DGKG: variants seen among roughly 807,000 people sequenced by gnomAD.
The protein encoded by DGKG is DAG kinase gamma.
DGKG carries 78 observed loss-of-function variants against 105.3 expected under a neutral mutation model. That is an observed-to-expected ratio of 0.74 (90% CI 0.62 to 0.89). The LOEUF is 0.89. Ranked by LOEUF, DGKG falls within the 40% of genes least tolerant of loss-of-function variation. The pLI, the probability that DGKG is intolerant of heterozygous loss-of-function variation, is 0.00. For missense variants in DGKG, 958 were observed against 1,020.1 expected, an observed-to-expected ratio of 0.94 and a Z score of 0.83; for synonymous variants, 346 against 367.1, an observed-to-expected ratio of 0.94 and a Z score of 0.66.
chr3:186,208,012 T>C (rs1344649024), intron 21 of DGKG, among the ~76,000 whole-genome samples: 1 of 152,188 alleles, frequency 6.6e-6, no homozygotes, highest in African/African-American at 2.4e-5. Flanking sequence ...ATCGCCTGTA[T>C]ATCGCCTGAA....
intron 21 of DGKG, 42 bp from the exon 22 acceptor site, chr3:186,188,421 T>G (rs766731251): frequency 6.2e-7 from 1 of 1,603,978 alleles, no homozygotes; most frequent in Non-Finnish European, 8.5e-7. Context: ...GTGTCCTCAG[T>G]GTGTCACAAC....
intron 24 of DGKG, among the ~76,000 whole-genome samples, chr3:186,155,921 T>C (rs1327208490): frequency 1.3e-5 from 2 of 152,250 alleles, no homozygotes; most frequent in Non-Finnish European, 2.9e-5. Context: ...ACTTGTGATA[T>C]TAAATATTAT....
chr3:186,327,606 T>C (rs1166640189), intron 1 of DGKG, among the ~76,000 whole-genome samples: 2 of 151,818 alleles, frequency 1.3e-5, no homozygotes, highest in Admixed American at 1.3e-4. Flanking sequence ...AGAGACAGTG[T>C]CTCACTATGT....
intron 1 of DGKG, among the ~76,000 whole-genome samples, chr3:186,342,467 G>A (rs529209069): frequency 2.6e-5 from 4 of 152,206 alleles, no homozygotes; most frequent in Admixed American, 6.5e-5. Flanking sequence ...TAAAAATAGC[G>A]CATCAGACAA....
At chr3:186,268,730 A>T in intron 12 of DGKG, 71 bp downstream of exon 12, 2 of 1,123,046 alleles carry the variant, frequency 1.8e-6, no homozygotes, top group Non-Finnish European at 2.7e-6. Flanking sequence ...CCGGATATTC[A>T]CTGCTCCTGG....
intron 22 of DGKG, among the ~76,000 whole-genome samples, chr3:186,168,154 C>A (rs184674835): frequency 6.6e-6 from 1 of 152,150 alleles, no homozygotes; most frequent in African/African-American, 2.4e-5. Context: ...AAGCAATAAA[C>A]CTACTTGGCA....
intron 2 of DGKG, among the ~76,000 whole-genome samples, chr3:186,315,410 G>A (rs1160560815): frequency 3.3e-5 from 5 of 152,168 alleles, no homozygotes; most frequent in African/African-American, 1.2e-4. Context: ...CAACAAATAT[G>A]CACAGTATCT....
chr3:186,181,397 A>G (rs931202796), intron 22 of DGKG, among the ~76,000 whole-genome samples: 1 of 152,178 alleles, frequency 6.6e-6, no homozygotes, highest in Non-Finnish European at 1.5e-5. Context: ...AAAAAGTATT[A>G]TCTAGTGAGA....
intron 20 of DGKG, among the ~76,000 whole-genome samples, chr3:186,241,913 C>T (rs1720704633): frequency 6.6e-6 from 1 of 152,178 alleles, no homozygotes; most frequent in African/African-American, 2.4e-5. Flanking sequence ...TTGAACCTAA[C>T]TTGGTGACTT....
At chr3:186,327,400 T>A (rs1284888207) in intron 1 of DGKG, among the ~76,000 whole-genome samples, 1 of 151,022 alleles carries the variant, frequency 6.6e-6, no homozygotes. Flanking sequence ...CTTTTTTTTT[T>A]TTTTGAGGCG....
Position 186,150,121 on chromosome 3 carries a change from G to A in DGKG, c.2345C>T (p.Ser782Leu). Residue 782 changes from serine (S) to leucine (L), a missense_variant, in exon 25 of 25, where the codon TCG (serine) becomes TTG (leucine). Transcript: ENST00000265022. ...MGPPQKSSFF[S>L]LRRKSRSKD Reference sequence around the variant, plus strand: ...TTTTGAACGGCTCTTCCTTCTCAACGAGAAGAAGCTGCTCTTCTGGGGAGG... The same window carrying A: ...TTTTGAACGGCTCTTCCTTCTCAACAAGAAGAAGCTGCTCTTCTGGGGAGG... The A allele has an allele frequency of 6.2e-7, 1 of 1,613,686 alleles. No individual in the cohort carries two copies. The highest frequency in any genetic ancestry group is 8.5e-7 in the Non-Finnish European group (1 of 1,179,816).
At chr3:186,192,517 G>A (rs907304388) in intron 21 of DGKG, among the ~76,000 whole-genome samples, 3 of 152,252 alleles carry the variant, frequency 2.0e-5, no homozygotes, top group South Asian at 2.1e-4. Context: ...TATCTCTTGC[G>A]ATCTTCACAT....
intron 1 of DGKG, among the ~76,000 whole-genome samples, chr3:186,349,137 T>C (rs1726502979): frequency 1.3e-5 from 2 of 152,122 alleles, no homozygotes; most frequent in Admixed American, 1.3e-4. Context: ...CATGTCACGA[T>C]CTTGGCTCAC....
intron 3 of DGKG, among the ~76,000 whole-genome samples, chr3:186,302,792 G>T (rs1327573325): frequency 6.6e-6 from 1 of 151,902 alleles, no homozygotes; most frequent in African/African-American, 2.4e-5. Flanking sequence ...CATCAGTGGC[G>T]AGTGCCATAG....
chr3:186,251,398 G>A (rs1391460657), intron 19 of DGKG, among the ~76,000 whole-genome samples: 1 of 152,212 alleles, frequency 6.6e-6, no homozygotes, highest in Non-Finnish European at 1.5e-5. Context: ...AGTTCCTGAA[G>A]CTCATGTGAG....
At chr3:186,273,126 A>T (rs113817149) in intron 10 of DGKG, among the ~76,000 whole-genome samples, 18 of 152,204 alleles carry the variant, frequency 1.2e-4, no homozygotes, top group Middle Eastern at 6.3e-3. Flanking sequence ...AAAAGGGAAG[A>T]AAACGGCCTC....
intron 2 of DGKG, chr3:186,313,402 C>T: frequency 2.7e-6 from 2 of 746,944 alleles, no homozygotes; most frequent in Non-Finnish European, 3.3e-6. Context: ...ATTTTTTTGT[C>T]ATAAATGATC....
intron 20 of DGKG, among the ~76,000 whole-genome samples, chr3:186,239,274 G>A (rs1210336187): frequency 6.6e-6 from 1 of 152,334 alleles, no homozygotes; most frequent in Admixed American, 6.5e-5. Flanking sequence ...ATCCCTGAGA[G>A]TCCAAACCTG....
intron 1 of DGKG, among the ~76,000 whole-genome samples, chr3:186,335,458 C>T (rs1263181157): frequency 2.6e-5 from 4 of 152,116 alleles, no homozygotes; most frequent in Non-Finnish European, 5.9e-5. Context: ...TAGACATAAA[C>T]CCTTTACTCT....
Sources: allele counts gnomAD v4.1 joint callset (sites outside exome capture counted in the v4.1 genomes callset), GRCh38; gene constraint gnomAD v4.1.1; transcripts MANE v1.5; gene names NCBI Gene and HGNC (gene_info 2026-07-23, HGNC 2026-07-21).